Variants in ROBO2 observed in about 807,000 individuals in gnomAD.
ROBO2 encodes the protein roundabout homolog 2.
ROBO2 carries 53 observed loss-of-function variants against 160.8 expected under a neutral mutation model. That is an observed-to-expected ratio of 0.33 (90% CI 0.26 to 0.41). The LOEUF (loss-of-function observed/expected upper bound fraction) is 0.41, where lower values mean the gene tolerates loss of function less well. Ranked by LOEUF, ROBO2 falls within the 10% of genes least tolerant of loss-of-function variation. The pLI is 1.00. For missense variants in ROBO2, 1,577 were observed against 1,722.4 expected, an observed-to-expected ratio of 0.92 and a Z score of 1.49; for synonymous variants, 664 against 611.7, an observed-to-expected ratio of 1.09 and a Z score of -1.26.
chr3:77,143,175 T>G (rs1013923318), intron 2 of ROBO2, among the ~76,000 whole-genome samples: 2 of 25,714 alleles, frequency 7.8e-5, no homozygotes, highest in Non-Finnish European at 1.4e-4. Flanking sequence ...AAACAGCAGC[T>G]TTTTTTTTTT....
chr3:76,762,946 T>A (rs893554630), intron 2 of ROBO2, among the ~76,000 whole-genome samples: 7 of 151,772 alleles, frequency 4.6e-5, no homozygotes, highest in African/African-American at 1.7e-4. Flanking sequence ...CGATGCCTGC[T>A]TGAAATCCTT....
At chr3:76,968,942 C>T (rs9880920) in intron 2 of ROBO2, among the ~76,000 whole-genome samples, 6,642 of 152,114 alleles carry the variant, frequency 0.044, 463 homozygotes, top group African/African-American at 0.15. Context: ...GCTGCATAAC[C>T]GGATAATTAG....
intron 2 of ROBO2, among the ~76,000 whole-genome samples, chr3:76,446,145 C>T (rs558185387): frequency 1.1e-3 from 163 of 152,224 alleles, no homozygotes; most frequent in Admixed American, 2.2e-3. Context: ...AAAACCCCAT[C>T]GTCTCAGCCC....
chr3:77,281,305 A>G (rs1422644246), intron 2 of ROBO2, among the ~76,000 whole-genome samples: 3 of 150,302 alleles, frequency 2.0e-5, no homozygotes, highest in Admixed American at 1.3e-4. Context: ...CCAATTTTCA[A>G]TCCTTCTTTC....
chr3:76,354,304 G>A (rs1014822800), intron 2 of ROBO2, among the ~76,000 whole-genome samples: 20 of 151,778 alleles, frequency 1.3e-4, no homozygotes, highest in Non-Finnish European at 1.0e-4. Context: ...ACATACATTC[G>A]TATAACCTTT....
intron 2 of ROBO2, among the ~76,000 whole-genome samples, chr3:77,452,479 C>T (rs528864639): frequency 1.3e-5 from 2 of 152,270 alleles, no homozygotes; most frequent in East Asian, 3.9e-4. Context: ...GTGCAGCAGA[C>T]ACTCATTCCA....
intron 2 of ROBO2, among the ~76,000 whole-genome samples, chr3:76,710,036 G>A (rs943923922): frequency 1.3e-5 from 2 of 152,046 alleles, no homozygotes; most frequent in Non-Finnish European, 2.9e-5. Context: ...AGAGAGACAC[G>A]TGGAGAGAAA....
chr3:76,356,213 G>T lies in ROBO2; in HGVS notation c.109+418611G>T, dbSNP rs899376391. 1.1e-4 allele frequency among the ~76,000 whole-genome samples: 17 copies of T among 151,560 alleles called. No individual in the cohort carries two copies. The East Asian group carries it at 3.3e-3, about 30-fold the overall frequency. ...TATAGCTAAAATAGAAATGGAAGAGGTCTAATGGAATACTACAAAGCACTT... is the reference window on the plus strand; with the variant it reads ...TATAGCTAAAATAGAAATGGAAGAGTTCTAATGGAATACTACAAAGCACTT... On this transcript the variant is annotated intron_variant, in intron 2 of 26. Transcript: ENST00000487694.
intron 2 of ROBO2, among the ~76,000 whole-genome samples, chr3:77,438,939 C>T (rs1560834667): frequency 6.6e-6 from 1 of 151,890 alleles, no homozygotes; most frequent in African/African-American, 2.4e-5. Flanking sequence ...ACATACAGAG[C>T]TATTAAATCT....
At chr3:77,103,115 A>G (rs1197661688) in intron 2 of ROBO2, among the ~76,000 whole-genome samples, 2 of 152,136 alleles carry the variant, frequency 1.3e-5, no homozygotes, top group African/African-American at 4.8e-5. Flanking sequence ...GGGGGTCCTC[A>G]CAGAGATTGT....
chr3:76,887,956 AAT>A (rs1425276393), intron 2 of ROBO2, among the ~76,000 whole-genome samples: 17 of 152,200 alleles, frequency 1.1e-4, no homozygotes, highest in Admixed American at 7.2e-4. Flanking sequence ...GTAGATTTTT[AAT>A]CATCTAATTT....
At chr3:77,380,968 C>T (rs2153486856) in intron 2 of ROBO2, among the ~76,000 whole-genome samples, 1 of 152,220 alleles carries the variant, frequency 6.6e-6, no homozygotes, top group African/African-American at 2.4e-5. Context: ...CACCACTACC[C>T]TTGCTACCCC....
chr3:76,759,462 A>T (rs968502788), intron 2 of ROBO2, among the ~76,000 whole-genome samples: 8 of 151,746 alleles, frequency 5.3e-5, no homozygotes, highest in African/African-American at 1.9e-4. Flanking sequence ...GTACCTAAAA[A>T]TTTTGAGGGT....
rs552117532 is a variant in ROBO2 at position 76,922,590 on chromosome 3, T to C, written c.110-175424T>C. Reference sequence around the variant, plus strand: ...CGCCTTATTTCTGGAGGAAGAACAGTGTACCAGGAAGGCCTCCCTCAGAAG... The same window carrying C: ...CGCCTTATTTCTGGAGGAAGAACAGCGTACCAGGAAGGCCTCCCTCAGAAG... On this transcript the variant is annotated intron_variant, in intron 2 of 26. Coordinates refer to the ROBO2 transcript ENST00000487694. Among the ~76,000 whole-genome samples, 10 of 152,288 alleles carry C rather than the reference T, an allele frequency of 6.6e-5. No homozygotes were observed. In the South Asian group the frequency reaches 1.9e-3, roughly 28 times the overall value.
intron 2 of ROBO2, among the ~76,000 whole-genome samples, chr3:76,485,182 C>T (rs1043703506): frequency 1.3e-5 from 2 of 151,896 alleles, no homozygotes; most frequent in Non-Finnish European, 2.9e-5. Flanking sequence ...GTATACAATT[C>T]TCATAATGTA....
At chr3:76,521,455 G>C (rs962786229) in intron 2 of ROBO2, among the ~76,000 whole-genome samples, 1 of 152,124 alleles carries the variant, frequency 6.6e-6, no homozygotes, top group East Asian at 1.9e-4. Flanking sequence ...AAGGAGAACA[G>C]CAGAGATGCG....
chr3:77,531,686 T>G (rs1185540291), intron 6 of ROBO2, among the ~76,000 whole-genome samples: 1 of 152,108 alleles, frequency 6.6e-6, no homozygotes, highest in Non-Finnish European at 1.5e-5. Context: ...TGTACATAAT[T>G]GGATATTGGA....
chr3:77,355,905 A>G (rs958890051), intron 2 of ROBO2, among the ~76,000 whole-genome samples: 5 of 150,092 alleles, frequency 3.3e-5, no homozygotes, highest in African/African-American at 1.2e-4. Context: ...GCAGCTATCA[A>G]TCTCTGAGAC....
intron 2 of ROBO2, among the ~76,000 whole-genome samples, chr3:76,263,771 T>C (rs143599023): frequency 0.037 from 5,619 of 152,248 alleles, 131 homozygotes; most frequent in South Asian, 0.079. Flanking sequence ...CATGCACGTG[T>C]ATGTTTATTG....
Sources: allele counts gnomAD v4.1 joint callset (sites outside exome capture counted in the v4.1 genomes callset), GRCh38; gene constraint gnomAD v4.1.1; transcripts MANE v1.5; gene names NCBI Gene and HGNC (gene_info 2026-07-23, HGNC 2026-07-21).